Variants in ERC2 observed in about 807,000 individuals in gnomAD.
ERC2 encodes ELKS/RAB6-interacting/CAST family member 2.
In ERC2, 42 loss-of-function variants were observed where a neutral mutation model predicts 114.8. The observed-to-expected ratio is 0.37, with a 90% CI of 0.29 to 0.47. The LOEUF is 0.47. ERC2 is among the 20% of genes least tolerant of loss of function. The probability of loss-of-function intolerance (pLI) is 0.99; values close to 1 mark genes in which losing one functional copy is unlikely to be tolerated. For synonymous variants in ERC2, 454 were observed against 425.5 expected, an observed-to-expected ratio of 1.07 and a Z score of -0.82; for missense variants, 939 against 1,150.7, an observed-to-expected ratio of 0.82 and a Z score of 2.66.
At position 55,950,463 on chromosome 3, in the gene ERC2, G is replaced by A. The variant is rs752423372; in HGVS notation, c.2365C>T (p.Arg789Ter). The A allele has an allele frequency of 6.2e-7, 1 of 1,613,972 alleles. No individual in the cohort carries two copies. The highest frequency in any genetic ancestry group is 8.5e-7 in the Non-Finnish European group (1 of 1,179,894). Residue 789 changes from arginine (R) to a stop codon, truncating the protein, a stop_gained, in exon 13 of 18, where the codon CGA (arginine) becomes TGA (stop). Transcript: ENST00000288221. LOFTEE classifies it high-confidence loss of function. ...GAGTTGTCAGCCATGCTGTCTTCTCGCCTGCGCACTTCTTCTAGTAACTGA... is the reference window on the plus strand; with the variant it reads ...GAGTTGTCAGCCATGCTGTCTTCTCACCTGCGCACTTCTTCTAGTAACTGA... ...NAQLLEEVRR[R>*]EDSMADNSQH...
At chr3:56,383,381 T>C (rs890069139) in intron 2 of ERC2, among the ~76,000 whole-genome samples, 5 of 152,200 alleles carry the variant, frequency 3.3e-5, no homozygotes, top group Admixed American at 3.3e-4. Flanking sequence ...AGACTTCTGA[T>C]ACTACTAATC....
At chr3:56,269,965 AT>A (rs1464274203) in intron 3 of ERC2, among the ~76,000 whole-genome samples, 1 of 152,154 alleles carries the variant, frequency 6.6e-6, no homozygotes, top group Non-Finnish European at 1.5e-5. Context: ...GACGCTCCAC[AT>A]TGGAAGCCGT....
intron 3 of ERC2, among the ~76,000 whole-genome samples, chr3:56,231,621 A>G (rs886420021): frequency 2.0e-5 from 3 of 152,210 alleles, no homozygotes; most frequent in African/African-American, 7.2e-5. Context: ...TGAACTTGAG[A>G]CAATTATACA....
intron 2 of ERC2, among the ~76,000 whole-genome samples, chr3:56,300,725 A>C (rs2055815862): frequency 6.6e-6 from 1 of 152,226 alleles, no homozygotes; most frequent in Non-Finnish European, 1.5e-5. Flanking sequence ...AAATGGGGAC[A>C]AAAAGTACTT....
chr3:56,091,362 G>A (rs956814731), intron 6 of ERC2, among the ~76,000 whole-genome samples: 8 of 152,166 alleles, frequency 5.3e-5, no homozygotes, highest in Non-Finnish European at 1.0e-4. Flanking sequence ...GTAGATAGTG[G>A]AATTATTGCC....
At chr3:55,733,557 C>CACAA (rs1450237045) in intron 15 of ERC2, among the ~76,000 whole-genome samples, 1 of 144,018 alleles carries the variant, frequency 6.9e-6, no homozygotes, top group Non-Finnish European at 1.5e-5. Flanking sequence ...CACACACACA[C>CACAA]ACACACACAC....
chr3:56,126,044 T>C (rs1259509091), intron 6 of ERC2, among the ~76,000 whole-genome samples: 1 of 152,246 alleles, frequency 6.6e-6, no homozygotes, highest in Non-Finnish European at 1.5e-5. Flanking sequence ...CACTTAGGGC[T>C]ACTCCTGTTT....
intron 2 of ERC2, among the ~76,000 whole-genome samples, chr3:56,311,062 C>G (rs999928705): frequency 6.6e-6 from 1 of 151,252 alleles, no homozygotes; most frequent in African/African-American, 2.4e-5. Flanking sequence ...ATGCAGGACA[C>G]TACTAGATAA....
chr3:56,358,102 C>T (rs531364393), intron 2 of ERC2, among the ~76,000 whole-genome samples: 41 of 152,084 alleles, frequency 2.7e-4, no homozygotes, highest in East Asian at 1.2e-3. Flanking sequence ...TTTCCAGTGG[C>T]GCATACATGA....
chr3:55,586,859 T>C (rs1297734217), intron 17 of ERC2, among the ~76,000 whole-genome samples: 1 of 152,192 alleles, frequency 6.6e-6, no homozygotes, highest in African/African-American at 2.4e-5. Flanking sequence ...TCCAGTAAAA[T>C]CAATCTCAAC....
At chr3:55,737,876 C>G (rs1369238937) in intron 14 of ERC2, among the ~76,000 whole-genome samples, 1 of 152,090 alleles carries the variant, frequency 6.6e-6, no homozygotes, top group Non-Finnish European at 1.5e-5. Flanking sequence ...AGGGAAGACA[C>G]GCTTACTGCC....
chr3:55,731,776 A>G (rs753617447), intron 15 of ERC2, among the ~76,000 whole-genome samples: 19 of 152,184 alleles, frequency 1.2e-4, no homozygotes, highest in Non-Finnish European at 2.6e-4. Context: ...ATGTATGTAA[A>G]GCCCTTATAC....
intron 13 of ERC2, among the ~76,000 whole-genome samples, chr3:55,890,977 C>T (rs906641053): frequency 2.6e-5 from 4 of 152,202 alleles, no homozygotes; most frequent in Non-Finnish European, 5.9e-5. Flanking sequence ...ATGGGTTCTT[C>T]CTGTGTTTAA....
chr3:56,086,375 T>C (rs1309390809), intron 6 of ERC2, among the ~76,000 whole-genome samples: 2 of 151,894 alleles, frequency 1.3e-5, no homozygotes, highest in African/African-American at 2.4e-5. Flanking sequence ...GTTTGGGGGG[T>C]TTATTTTCCA....
intron 13 of ERC2, among the ~76,000 whole-genome samples, chr3:55,896,093 C>T (rs2063830333): frequency 6.6e-6 from 1 of 152,190 alleles, no homozygotes; most frequent in African/African-American, 2.4e-5. Flanking sequence ...CATGCTCTGT[C>T]CTGGGACCTG....
intron 17 of ERC2, among the ~76,000 whole-genome samples, chr3:55,635,342 A>C (rs982244890): frequency 2.0e-5 from 3 of 152,136 alleles, no homozygotes; most frequent in African/African-American, 7.2e-5. Context: ...TATAAACATT[A>C]GTGGTGAAAT....
At chr3:55,808,701 TTATATATATATA>T (rs377604698) in intron 14 of ERC2, among the ~76,000 whole-genome samples, 760 of 61,724 alleles carry the variant, frequency 0.012, 15 homozygotes, top group African/African-American at 0.027. Flanking sequence ...TACCATAATT[TTATATATATATA>T]TATATATATA....
chr3:55,834,672 T>C (rs1347239572), intron 14 of ERC2, among the ~76,000 whole-genome samples: 1 of 149,082 alleles, frequency 6.7e-6, no homozygotes, highest in South Asian at 2.2e-4. Context: ...AGATCCAAAA[T>C]TGACACCCTA....
chr3:55,854,361 GTTGTT>G (rs569569213), intron 14 of ERC2, among the ~76,000 whole-genome samples: 4 of 152,118 alleles, frequency 2.6e-5, no homozygotes, highest in African/African-American at 4.8e-5. Flanking sequence ...TGCTTTTGTA[GTTGTT>G]TTGTTTTGTT....
Sources: allele counts gnomAD v4.1 joint callset (sites outside exome capture counted in the v4.1 genomes callset), GRCh38; gene constraint gnomAD v4.1.1; transcripts MANE v1.5; gene names NCBI Gene and HGNC (gene_info 2026-07-23, HGNC 2026-07-21).